COL12A1: variants seen among roughly 807,000 people sequenced by gnomAD.
COL12A1 encodes collagen alpha-1(XII) chain.
Under a neutral mutation model 349.7 loss-of-function variants are expected in COL12A1, and 114 were observed. The ratio of observed to expected loss-of-function variants is 0.33; its 90% CI spans 0.28 to 0.38. The LOEUF is 0.38. Among genes scored for constraint, COL12A1 ranks in the 10% least tolerant of loss-of-function variants. The pLI is 1.00. For missense variants in COL12A1, 3,284 were observed against 3,756.9 expected (o/e 0.87, Z 3.29); for synonymous variants, 1,369 against 1,329.0 (o/e 1.03, Z -0.66).
intron 21 of COL12A1, among the ~76,000 whole-genome samples, chr6:75,148,702 C>T (rs904012759): frequency 6.6e-6 from 1 of 152,086 alleles, no homozygotes; most frequent in African/African-American, 2.4e-5. Flanking sequence ...GTTTTCTAGC[C>T]TCAAAAGATT....
chr6:75,085,137 T>C lies in COL12A1; in HGVS notation c.*1410A>G. The C allele has an allele frequency of 4.6e-6, 2 of 438,740 alleles. No individual in the cohort carries two copies. Among genetic ancestry groups the C allele is most frequent in the Admixed American group, 4.9e-5 (2 of 40,678 alleles). 27.2% of individuals were successfully genotyped at this position (438,740 alleles called of 1,614,324 possible). On this transcript the variant is annotated 3_prime_UTR_variant, in exon 66 of 66. Coordinates refer to ENST00000322507, the MANE Select transcript of COL12A1 (RefSeq NM_004370.6). ...TACACTGCTCTATCTGACCTGTAAA[T>C]GAGAATTTCAACACCTCCCCCAAGC... is the stretch of plus-strand genomic sequence containing the variant.
rs41269313 is a variant in COL12A1 at position 75,195,128 on chromosome 6, G to C, written c.74-181C>G. On this transcript the variant is annotated intron_variant, in intron 2 of 65. Coordinates refer to ENST00000322507, the MANE Select transcript of COL12A1 (RefSeq NM_004370.6). ...AACTAAAAGCTGACAAAACATCAGA[G>C]AGTGTACATATTACAGAAGACAGCA... is the stretch of plus-strand genomic sequence containing the variant. Among the ~76,000 whole-genome samples the C allele has an allele frequency of 0.058, 8,888 of 152,206 alleles. 366 individuals carry two copies. Among genetic ancestry groups the C allele is most frequent in the South Asian group, 0.13 (644 of 4,826 alleles).
chr6:75,180,954 C>A lies in COL12A1; in HGVS notation c.2149G>T (p.Glu717Ter). ...CCCATCACACCTTCTTCGGTGGTCTCCTCTCCAGCTAAGGGAATGCTGAAG... is the reference window on the plus strand; with the variant it reads ...CCCATCACACCTTCTTCGGTGGTCTACTCTCCAGCTAAGGGAATGCTGAAG... ...DGFSIPLAGEETTEEVKGAPR... is the reference protein window; with the variant it reads ...DGFSIPLAGE Residue 717 changes from glutamate (E) to a stop codon, truncating the protein, a stop_gained, in exon 11 of 66, where the codon GAG becomes TAG. Coordinates refer to ENST00000322507, the MANE Select transcript of COL12A1 (RefSeq NM_004370.6). LOFTEE classifies it high-confidence loss of function. 1.9e-6 allele frequency: 3 copies of A among 1,612,860 alleles called. No homozygotes were observed. The highest frequency in any genetic ancestry group is 2.2e-5 in the East Asian group (1 of 44,862).
intron 32 of COL12A1, 128 bp downstream of exon 32, chr6:75,134,598 A>G: frequency 1.2e-6 from 1 of 833,004 alleles, no homozygotes; most frequent in Non-Finnish European, 1.6e-6. Flanking sequence ...AAAACTATTA[A>G]TATTATTTCT....
intron 44 of COL12A1, among the ~76,000 whole-genome samples, chr6:75,120,037 T>C (rs374760558): frequency 1.3e-5 from 2 of 152,330 alleles, no homozygotes; most frequent in East Asian, 1.9e-4. Context: ...AATGGATTTT[T>C]TTTATCAGTA....
chr6:75,097,335 TA>T lies in COL12A1; in HGVS notation c.8524-30del, dbSNP rs1165903588. On this transcript the variant is annotated intron_variant, in intron 58 of 65. Coordinates refer to ENST00000322507, the MANE Select transcript of COL12A1 (RefSeq NM_004370.6). ...TTGTAAAAATGAAAGTAATTACAGTTAGGGAGGTCATAAGCAAGTGAAAAGA... is the reference window on the plus strand; with the variant it reads ...TTGTAAAAATGAAAGTAATTACAGTTGGGAGGTCATAAGCAAGTGAAAAGA... 12 of 1,588,064 alleles carry T rather than the reference TA, an allele frequency of 7.6e-6. No individual in the cohort carries two copies. In the African/African-American group the frequency reaches 1.6e-4, roughly 21 times the overall value.
intron 14 of COL12A1, among the ~76,000 whole-genome samples, chr6:75,162,985 T>C (rs905327847): frequency 1.3e-5 from 2 of 152,158 alleles, no homozygotes; most frequent in African/African-American, 2.4e-5. Flanking sequence ...CCAGTTAGAA[T>C]GGCAATCATT....
At position 75,085,625 on chromosome 6, in the gene COL12A1, G is replaced by T. The variant is rs149291183; in HGVS notation, c.*922C>A. 64 of 285,776 alleles carry T rather than the reference G, an allele frequency of 2.2e-4. No individual in the cohort carries two copies. The highest frequency in any genetic ancestry group is 3.5e-4 in the Non-Finnish European group (49 of 140,172). 17.7% of individuals were successfully genotyped at this position (285,776 alleles called of 1,614,324 possible). A position where few individuals can be genotyped will look rare whatever the true frequency, so the allele number is the denominator to read the frequency against. On this transcript the variant is annotated 3_prime_UTR_variant, in exon 66 of 66. Coordinates refer to ENST00000322507, the MANE Select transcript of COL12A1 (RefSeq NM_004370.6). Reference sequence around the variant, plus strand: ...GCACAAATACTTGGGAAGGGTCAGAGACTGGGCCAAAGAACTGTAAACGCA... The same window carrying T: ...GCACAAATACTTGGGAAGGGTCAGATACTGGGCCAAAGAACTGTAAACGCA...
intron 43 of COL12A1, among the ~76,000 whole-genome samples, chr6:75,122,837 A>G (rs538617135): frequency 6.6e-5 from 10 of 152,356 alleles, no homozygotes; most frequent in African/African-American, 2.4e-4. Context: ...ATAAATCAGT[A>G]TGTCGTTTCA....
chr6:75,163,597 C>T (rs1367877174), intron 14 of COL12A1, among the ~76,000 whole-genome samples: 1 of 152,078 alleles, frequency 6.6e-6, no homozygotes, highest in Non-Finnish European at 1.5e-5. Context: ...ACCACCATGG[C>T]ACGTGTATAC....
rs766547453 is a variant in COL12A1, at chr6:75,095,138, C to G, written c.8619G>C (p.Lys2873Asn). Reference protein sequence around the residue: ...GSPGVTGPSGKPGKPGDHGRP... With the variant: ...GSPGVTGPSGNPGKPGDHGRP... Reference sequence around the variant, plus strand: ...TGCCATGATCTCCAGGTTTTCCTGGCTTCCCACTTGGTCCTGTGACTCCTG... The same window carrying G: ...TGCCATGATCTCCAGGTTTTCCTGGGTTCCCACTTGGTCCTGTGACTCCTG... Residue 2873 changes from lysine to asparagine, a missense_variant, in exon 60 of 66, where the codon AAG becomes AAC. By Grantham distance (94) the Lys-to-Asn change is moderately conservative. Coordinates refer to ENST00000322507, the MANE Select transcript of COL12A1 (RefSeq NM_004370.6). The G allele has an allele frequency of 1.2e-6, 2 of 1,614,140 alleles. No individual in the cohort carries two copies. The highest frequency in any genetic ancestry group is 1.7e-6 in the Non-Finnish European group (2 of 1,180,004).
intron 5 of COL12A1, 92 bp downstream of exon 5, chr6:75,191,609 A>C (rs1769932915): frequency 2.7e-6 from 2 of 728,844 alleles, no homozygotes; most frequent in Admixed American, 2.9e-5. Context: ...TATAGGAATA[A>C]GATCAATCTA....
intron 31 of COL12A1, among the ~76,000 whole-genome samples, chr6:75,135,802 T>C (rs1766578449): frequency 6.6e-6 from 1 of 152,116 alleles, no homozygotes; most frequent in African/African-American, 2.4e-5. Context: ...ATATTTGAGG[T>C]TATGAGAGAA....
intron 11 of COL12A1, among the ~76,000 whole-genome samples, chr6:75,178,519 G>A (rs553156422): frequency 6.6e-6 from 1 of 152,340 alleles, no homozygotes; most frequent in South Asian, 2.1e-4. Flanking sequence ...ACATCTTGAA[G>A]CTAAGATGCA....
Position 75,121,286 on chromosome 6 carries a change from G to A in COL12A1, c.7086+16C>T. 1 of 1,560,636 alleles carries A rather than the reference G, an allele frequency of 6.4e-7. No homozygotes were observed. Among genetic ancestry groups the A allele is most frequent in the South Asian group, 1.2e-5 (1 of 83,514 alleles). ...AGACATCACAAATGAGTAGCCACTGGCGGAATGACACTAACCTGAATCCCA... is the reference window on the plus strand; with the variant it reads ...AGACATCACAAATGAGTAGCCACTGACGGAATGACACTAACCTGAATCCCA... On this transcript the variant is annotated intron_variant, in intron 44 of 65. Coordinates refer to ENST00000322507, the MANE Select transcript of COL12A1 (RefSeq NM_004370.6).
intron 27 of COL12A1, among the ~76,000 whole-genome samples, chr6:75,140,186 C>T (rs1015617351): frequency 3.3e-5 from 5 of 152,198 alleles, no homozygotes; most frequent in African/African-American, 9.6e-5. Flanking sequence ...ACACCTGTTA[C>T]GTTATTTTTA....
chr6:75,157,126 C>T (rs992793121), intron 14 of COL12A1, among the ~76,000 whole-genome samples: 2 of 152,038 alleles, frequency 1.3e-5, no homozygotes, highest in Non-Finnish European at 2.9e-5. Context: ...ATAGTGTTTG[C>T]TTAATATGTA....
chr6:75,161,196 G>A (rs537958658), intron 14 of COL12A1, among the ~76,000 whole-genome samples: 1 of 152,244 alleles, frequency 6.6e-6, no homozygotes, highest in South Asian at 2.1e-4. Flanking sequence ...CAGACATGGA[G>A]AGGATGTGCA....
In COL12A1 at chr6:75,177,715, T is replaced by C; in HGVS notation, c.2385A>G (p.Glu795=). The C allele has an allele frequency of 6.2e-7, 1 of 1,614,114 alleles. No homozygotes were observed. The highest frequency in any genetic ancestry group is 8.5e-7 in the Non-Finnish European group (1 of 1,180,000). The part of the protein sequence containing the change: ...DTKYEVSVIP[E]YFSGPGTPLT... The stretch of plus-strand genomic sequence containing the variant: ...ATGGAGTACCAGGTCCTGAGAAATA[T>C]TCAGGAATTACAGATACTTCATATT... Residue 795 remains glutamate, a synonymous_variant, in exon 12 of 66, where the codon GAA becomes GAG. Coordinates refer to ENST00000322507, the MANE Select transcript of COL12A1 (RefSeq NM_004370.6).
Sources: gnomAD v4.1 joint callset for allele counts (sites outside exome capture counted in the v4.1 genomes callset) on GRCh38, gnomAD v4.1.1 for gene constraint, MANE v1.5 for transcripts, NCBI Gene and HGNC (gene_info 2026-07-23, HGNC 2026-07-21) for gene names.